Variants in PCDH9 observed in about 807,000 individuals in gnomAD.
PCDH9 encodes the protein protocadherin 9.
PCDH9 carries 24 observed loss-of-function variants against 70.6 expected under a neutral mutation model. The ratio of observed to expected loss-of-function variants is 0.34; its 90% CI spans 0.25 to 0.48. The LOEUF (loss-of-function observed/expected upper bound fraction) is 0.48, where lower values mean the gene tolerates loss of function less well. Among genes scored for constraint, PCDH9 ranks in the 20% least tolerant of loss-of-function variants. The pLI, the probability that PCDH9 is intolerant of heterozygous loss-of-function variation, is 0.99. For synonymous variants in PCDH9, 562 were observed against 558.5 expected, an observed-to-expected ratio of 1.01 and a Z score of -0.09; for missense variants, 1,281 against 1,503.6, an observed-to-expected ratio of 0.85 and a Z score of 2.45.
At chr13:67,209,114 A>G (rs1230462231) in intron 2 of PCDH9, 1 of 152,152 alleles carries the variant, frequency 6.6e-6, no homozygotes, top group Non-Finnish European at 1.5e-5. Context: ...AACACAATGT[A>G]TTACAAGAGC....
At chr13:66,907,253 A>C (rs923378343) in intron 2 of PCDH9, among the ~76,000 whole-genome samples, 3 of 152,100 alleles carry the variant, frequency 2.0e-5, no homozygotes, top group Admixed American at 6.6e-5. Flanking sequence ...CCCACCAAAA[A>C]ATTTTACTGT....
intron 4 of PCDH9, among the ~76,000 whole-genome samples, chr13:66,561,351 C>T (rs1287618526): frequency 2.6e-5 from 4 of 152,196 alleles, no homozygotes; most frequent in African/African-American, 9.6e-5. Context: ...CGGAGGAGTG[C>T]CGCCCCTTGC....
intron 4 of PCDH9, among the ~76,000 whole-genome samples, chr13:66,585,230 G>T (rs1294331179): frequency 6.6e-6 from 1 of 151,960 alleles, no homozygotes; most frequent in Admixed American, 6.6e-5. Context: ...TTTCTGAAGA[G>T]AATTTTTATT....
chr13:66,784,306 T>C (rs145544370), intron 3 of PCDH9, among the ~76,000 whole-genome samples: 2 of 152,252 alleles, frequency 1.3e-5, no homozygotes, highest in Non-Finnish European at 2.9e-5. Flanking sequence ...AAATTTTTCT[T>C]TAGAAAAGGA....
chr13:67,104,742 G>A (rs928448115), intron 2 of PCDH9, among the ~76,000 whole-genome samples: 1 of 151,992 alleles, frequency 6.6e-6, no homozygotes, highest in Non-Finnish European at 1.5e-5. Flanking sequence ...GTAGAGACGG[G>A]GTTTCACCAT....
chr13:66,787,776 A>G (rs963230390), intron 3 of PCDH9, among the ~76,000 whole-genome samples: 2 of 152,152 alleles, frequency 1.3e-5, no homozygotes, highest in African/African-American at 4.8e-5. Flanking sequence ...TCATCCAATC[A>G]GTTGGCGACC....
intron 4 of PCDH9, among the ~76,000 whole-genome samples, chr13:66,568,827 T>A (rs1419349812): frequency 2.6e-5 from 4 of 151,676 alleles, no homozygotes. Flanking sequence ...GAGATATAAT[T>A]TGGGAATGAG....
rs1470357974 is a variant in PCDH9 at position 66,738,175 on chromosome 13, TCCCTGAC to T, written c.3139-106771_3139-106765del. Among the ~76,000 whole-genome samples, 9 of 152,050 alleles carry T rather than the reference TCCCTGAC, an allele frequency of 5.9e-5. 1 individual carries two copies. The South Asian group carries it at 1.9e-3, about 32-fold the overall frequency. On this transcript the variant is annotated intron_variant, in intron 3 of 4. Transcript: ENST00000377865. ...CGGGCAGACGGCCTCCTCAAGTGGG[TCCCTGAC>T]CCCTGACCCCCGAGCAGCCTAACTG...
intron 4 of PCDH9, among the ~76,000 whole-genome samples, chr13:66,350,351 T>C (rs1956275016): frequency 6.6e-6 from 1 of 152,174 alleles, no homozygotes; most frequent in Admixed American, 6.6e-5. Context: ...ACTTCTTCCT[T>C]ATTGAGATAC....
intron 4 of PCDH9, among the ~76,000 whole-genome samples, chr13:66,376,004 T>C (rs1407992577): frequency 6.6e-6 from 1 of 152,148 alleles, no homozygotes; most frequent in African/African-American, 2.4e-5. Context: ...TAAAGGCAGC[T>C]CATCCTTATA....
intron 4 of PCDH9, among the ~76,000 whole-genome samples, chr13:66,435,922 T>G (rs552946110): frequency 6.6e-6 from 1 of 152,274 alleles, no homozygotes; most frequent in East Asian, 1.9e-4. Context: ...AGACTCTGGA[T>G]ATCAGTGATT....
At chr13:66,980,922 C>A (rs569457403) in intron 2 of PCDH9, among the ~76,000 whole-genome samples, 2 of 151,978 alleles carry the variant, frequency 1.3e-5, no homozygotes, top group South Asian at 4.1e-4. Context: ...TAAAAACATG[C>A]ATGCTGATTC....
intron 2 of PCDH9, among the ~76,000 whole-genome samples, chr13:67,056,209 G>A (rs2085417110): frequency 6.6e-6 from 1 of 152,138 alleles, no homozygotes; most frequent in Non-Finnish European, 1.5e-5. Context: ...ACAGTCAAGT[G>A]CTTATTTGTG....
At chr13:66,690,933 G>T (rs2078475384) in intron 3 of PCDH9, among the ~76,000 whole-genome samples, 1 of 152,170 alleles carries the variant, frequency 6.6e-6, no homozygotes, top group South Asian at 2.1e-4. Flanking sequence ...GTAAGCCTGA[G>T]ACATATTGCA....
At chr13:66,370,267 C>T (rs1327630074) in intron 4 of PCDH9, among the ~76,000 whole-genome samples, 1 of 151,934 alleles carries the variant, frequency 6.6e-6, no homozygotes, top group Non-Finnish European at 1.5e-5. Flanking sequence ...GTCCCTGTCT[C>T]CCAGTCTCTG....
At position 66,684,919 on chromosome 13, in the gene PCDH9, T is replaced by C. The variant is rs532846140; in HGVS notation, c.3139-53508A>G. ...TCCTAGAGACTTGTTGAATGCAAAA[T>C]GTTAATAATGATATAGACAATGAAG... On this transcript the variant is annotated intron_variant, in intron 3 of 4. Coordinates refer to ENST00000377865, the MANE Select transcript of PCDH9 (RefSeq NM_203487.3). 2.6e-5 allele frequency among the ~76,000 whole-genome samples: 4 copies of C among 152,182 alleles called. No homozygotes were observed. In the South Asian group the frequency reaches 8.3e-4, roughly 32 times the overall value.
chr13:66,306,116 TAAAGC>T (rs1337362967), intron 4 of PCDH9: 2 of 151,720 alleles, frequency 1.3e-5, no homozygotes, highest in African/African-American at 4.8e-5. Context: ...GCCTGAGGCA[TAAAGC>T]ATTTTCAAAT....
At chr13:66,938,788 G>C (rs1189298299) in intron 2 of PCDH9, among the ~76,000 whole-genome samples, 1 of 152,086 alleles carries the variant, frequency 6.6e-6, no homozygotes, top group Non-Finnish European at 1.5e-5. Flanking sequence ...TTGCTTTTGA[G>C]TAATATGTGT....
intron 4 of PCDH9, among the ~76,000 whole-genome samples, chr13:66,316,854 C>T (rs2138076588): frequency 6.6e-6 from 1 of 152,234 alleles, no homozygotes; most frequent in South Asian, 2.1e-4. Flanking sequence ...TCCCAAGTAG[C>T]TGGGATCACA....
Sources: gnomAD v4.1 joint callset for allele counts (sites outside exome capture counted in the v4.1 genomes callset) on GRCh38, gnomAD v4.1.1 for gene constraint, MANE v1.5 for transcripts, NCBI Gene and HGNC (gene_info 2026-07-23, HGNC 2026-07-21) for gene names.